Variants in LANCL1 observed in about 807,000 individuals in gnomAD.
LANCL1 encodes glutathione S-transferase LANCL1.
Under a neutral mutation model 50.6 loss-of-function variants are expected in LANCL1, and 50 were observed. The ratio of observed to expected loss-of-function variants is 0.99; its 90% CI spans 0.79 to 1.25. LANCL1 has a LOEUF of 1.25. Ranked by LOEUF, LANCL1 falls within the 50% of genes most tolerant of loss-of-function variation. The pLI, the probability that LANCL1 is intolerant of heterozygous loss-of-function variation, is 0.00. For synonymous variants in LANCL1, 188 were observed against 178.6 expected (o/e 1.05, Z -0.42); for missense variants, 532 against 480.7 (o/e 1.11, Z -1.00).
intron 3 of LANCL1, among the ~76,000 whole-genome samples, chr2:210,464,827 G>A (rs532875897): frequency 1.1e-4 from 16 of 150,386 alleles, no homozygotes; most frequent in South Asian, 4.2e-4. Context: ...TTAGCCGGGT[G>A]CGGTGGCGGG....
rs912474995 is a variant in LANCL1, at chr2:210,455,191, C to G, written c.323G>C (p.Cys108Ser). Reference sequence around the variant, plus strand: ...CACTGCCAGGGGGCCTGCATCCCCACAAAGGAAGGTGATGGAGCGCTTGGT... The same window carrying G: ...CACTGCCAGGGGGCCTGCATCCCCAGAAAGGAAGGTGATGGAGCGCTTGGT... ...CLTKRSITFL[C>S]GDAGPLAVAA... The change falls in exon 4 of 10, where the codon TGT (cysteine) becomes TCT (serine). Residue 108 changes from cysteine (C) to serine (S), a missense_variant. Transcript: ENST00000450366. 3.7e-6 allele frequency: 6 copies of G among 1,613,522 alleles called. No individual in the cohort carries two copies. The highest frequency in any genetic ancestry group is 5.1e-6 in the Non-Finnish European group (6 of 1,179,778).
At chr2:210,443,366 A>T (rs1338042114) in intron 4 of LANCL1, among the ~76,000 whole-genome samples, 1 of 152,214 alleles carries the variant, frequency 6.6e-6, no homozygotes, top group Non-Finnish European at 1.5e-5. Context: ...ATTAGCCTAT[A>T]AATTTGATAT....
In LANCL1 at chr2:210,434,426, A is replaced by C; in HGVS notation, c.*61T>G. ...TCCTTGGAAAGCAACGGAAGCACTT[A>C]GCTTGGGTTTGAATATACAGAAAGG... On this transcript the variant is annotated 3_prime_UTR_variant, in exon 10 of 10. Coordinates refer to ENST00000450366, the MANE Select transcript of LANCL1 (RefSeq NM_006055.3). The C allele has an allele frequency of 1.5e-6, 2 of 1,291,722 alleles. No individual in the cohort carries two copies. The highest frequency in any genetic ancestry group is 1.1e-6 in the Non-Finnish European group (1 of 908,402). 80.0% of individuals were successfully genotyped at this position (1,291,722 alleles called of 1,614,324 possible).
At chr2:210,469,971 T>C (rs1694176715) in intron 3 of LANCL1, among the ~76,000 whole-genome samples, 1 of 151,150 alleles carries the variant, frequency 6.6e-6, no homozygotes. Flanking sequence ...AACTAGTGAT[T>C]TTTTTTTTTG....
intron 3 of LANCL1, among the ~76,000 whole-genome samples, chr2:210,469,876 AAAGT>A (rs1192967120): frequency 1.3e-5 from 2 of 152,172 alleles, no homozygotes; most frequent in Non-Finnish European, 2.9e-5. Context: ...CTCCTAAAGC[AAAGT>A]AACTCACAAT....
chr2:210,433,419 G>A lies in LANCL1; in HGVS notation c.*1068C>T, dbSNP rs1341501039. 6.6e-6 allele frequency: 1 copy of A among 152,184 alleles called. No homozygotes were observed. Among genetic ancestry groups the A allele is most frequent in the African/African-American group, 2.4e-5 (1 of 41,440 alleles). The allele number at this position is 152,184 out of a possible 1,614,324, so 9.4% of individuals were successfully genotyped here. A position where few individuals can be genotyped will look rare whatever the true frequency, so the allele number is the denominator to read the frequency against. On this transcript the variant is annotated 3_prime_UTR_variant, in exon 10 of 10. Transcript: ENST00000450366. ...TGCTTAGTTTAGTGTTTTTGTTCAA[G>A]TTATTGGTTAGATAGTATTCCCTTT...
intron 3 of LANCL1, among the ~76,000 whole-genome samples, chr2:210,457,766 TGTTAA>T (rs2105911674): frequency 6.6e-6 from 1 of 152,306 alleles, no homozygotes; most frequent in Non-Finnish European, 1.5e-5. Flanking sequence ...ATGTGCTATC[TGTTAA>T]GTTTTCTATG....
In LANCL1 at chr2:210,437,841, T is replaced by A. The variant is rs763487881; in HGVS notation, c.722A>T (p.His241Leu). ...PSLQVSQGKL[H>L]SLVKPSVDYV... ...GTCTACACTGGGCTTGACCAAACTA[T>A]GTAACTTCCCTTGGCTCACTTGAAG... is the stretch of plus-strand genomic sequence containing the variant. The change falls in exon 7 of 10, where the codon CAT becomes CTT. Residue 241 changes from histidine to leucine, a missense_variant. By Grantham distance (99) the His-to-Leu change is moderately conservative (BLOSUM62 -3). Transcript: ENST00000450366. 3.7e-6 allele frequency: 6 copies of A among 1,604,532 alleles called. No homozygotes were observed. Among genetic ancestry groups the A allele is most frequent in the Non-Finnish European group, 4.2e-6 (5 of 1,176,826 alleles).
Position 210,455,127 on chromosome 2 carries a change from C to T in LANCL1, c.387G>A (p.Gln129=). 7 of 1,613,470 alleles carry T rather than the reference C, an allele frequency of 4.3e-6. No homozygotes were observed. Among genetic ancestry groups the T allele is most frequent in the Non-Finnish European group, 5.9e-6 (7 of 1,179,594 alleles). ...VLYHKMNNEK[Q]AEDCITRLIH... ...ATTACCGTGTGATGCAATCTTCTGC[C>T]TGCTTCTCATTGTTCATCTTGTGAT... The change falls in exon 4 of 10, where the codon CAG becomes CAA. Residue 129 remains glutamine (Q), a synonymous_variant. Coordinates refer to ENST00000450366, the MANE Select transcript of LANCL1 (RefSeq NM_006055.3).
intron 9 of LANCL1, 96 bp downstream of exon 9, chr2:210,435,291 T>C (rs927548230): frequency 1.4e-5 from 12 of 852,234 alleles, no homozygotes; most frequent in East Asian, 2.6e-5. Flanking sequence ...TTAAGAATAA[T>C]TATAAAATTT....
At chr2:210,473,104 A>C (rs1281464361) in intron 2 of LANCL1, among the ~76,000 whole-genome samples, 1 of 152,198 alleles carries the variant, frequency 6.6e-6, no homozygotes, top group East Asian at 1.9e-4. Flanking sequence ...GGCCGGGCAC[A>C]GTGGCTAATG....
At chr2:210,444,985 A>G (rs961682135) in intron 4 of LANCL1, among the ~76,000 whole-genome samples, 6 of 152,148 alleles carry the variant, frequency 3.9e-5, no homozygotes, top group Non-Finnish European at 8.8e-5. Flanking sequence ...CGTTGGGGCC[A>G]TAAGAAAACA....
At chr2:210,462,146 G>A (rs1693883806) in intron 3 of LANCL1, among the ~76,000 whole-genome samples, 2 of 152,118 alleles carry the variant, frequency 1.3e-5, no homozygotes, top group South Asian at 4.2e-4. Flanking sequence ...AGTGATCTCT[G>A]GACACCACTG....
rs552878718 is a variant in LANCL1, at chr2:210,455,341, A to G, written c.200-27T>C. 5.7e-5 allele frequency: 88 copies of G among 1,546,060 alleles called. 1 individual carries two copies. In the South Asian group the frequency reaches 1.0e-3, roughly 18 times the overall value. On this transcript the variant is annotated intron_variant, in intron 3 of 9. Coordinates refer to ENST00000450366, the MANE Select transcript of LANCL1 (RefSeq NM_006055.3). The stretch of plus-strand genomic sequence containing the variant: ...TGAAAAAAAAAAAAGGAAACAATGT[A>G]AAGATGAGGAAAGGCAGTTATTTTA...
intron 4 of LANCL1, among the ~76,000 whole-genome samples, chr2:210,450,037 G>T (rs1693464902): frequency 6.6e-6 from 1 of 151,948 alleles, no homozygotes; most frequent in African/African-American, 2.4e-5. Context: ...ATAGCCAAAA[G>T]AATCTTAAGC....
intron 4 of LANCL1, among the ~76,000 whole-genome samples, chr2:210,448,909 C>T (rs546100154): frequency 1.5e-4 from 23 of 152,212 alleles, no homozygotes; most frequent in African/African-American, 5.3e-4. Flanking sequence ...GATTCACAGC[C>T]GAATTCTACC....
chr2:210,453,140 A>G (rs1232519733), intron 4 of LANCL1, among the ~76,000 whole-genome samples: 2 of 152,222 alleles, frequency 1.3e-5, no homozygotes, highest in African/African-American at 4.8e-5. Flanking sequence ...ATATTCACAT[A>G]CTATATTTTT....
At chr2:210,477,574 T>C, upstream of LANCL1, 1 of 1,399,164 alleles carries the variant, frequency 7.1e-7, no homozygotes, top group African/African-American at 1.4e-5. Context: ...GACCTCCAAC[T>C]GGAGAAGCTC....
At chr2:210,476,983 A>G (rs1170527756), upstream of LANCL1, among the ~76,000 whole-genome samples, 1 of 152,138 alleles carries the variant, frequency 6.6e-6, no homozygotes, top group Non-Finnish European at 1.5e-5. Flanking sequence ...GTCAAATTTA[A>G]GTCCAGAGTC....
Sources: gnomAD v4.1 joint callset for allele counts (sites outside exome capture counted in the v4.1 genomes callset) on GRCh38, gnomAD v4.1.1 for gene constraint, MANE v1.5 for transcripts, NCBI Gene and HGNC (gene_info 2026-07-23, HGNC 2026-07-21) for gene names.